Variants in RALB observed in about 807,000 individuals in gnomAD.
RALB encodes the protein RAS like proto-oncogene B, also known as ras-related protein Ral-B.
In RALB, 16 loss-of-function variants were observed where a neutral mutation model predicts 21.3. The observed-to-expected ratio is 0.75, with a 90% confidence interval of 0.51 to 1.14. The LOEUF is 1.14. Among genes scored for constraint, RALB ranks in the 50% most tolerant of loss-of-function variants. The pLI, the probability that RALB is intolerant of heterozygous loss-of-function variation, is 0.00. For synonymous variants in RALB, 93 were observed against 96.1 expected (o/e 0.97, Z 0.19); for missense variants, 161 against 256.2 (o/e 0.63, Z 2.54).
chr2:120,278,042 T>A (rs79557681), intron 1 of RALB, among the ~76,000 whole-genome samples: 25 of 125,498 alleles, frequency 2.0e-4, no homozygotes, highest in Admixed American at 1.0e-3. Context: ...AGAGCGTGAG[T>A]GTGTGTGAAT....
intron 3 of RALB, among the ~76,000 whole-genome samples, chr2:120,288,343 T>TTTTG (rs1690219756): frequency 2.9e-5 from 1 of 33,956 alleles, no homozygotes; most frequent in East Asian, 3.5e-4. Context: ...AAAATTTTAG[T>TTTTG]TTTTTTTTTT....
chr2:120,259,948 A>G (rs1040894033), intron 1 of RALB, among the ~76,000 whole-genome samples: 11 of 152,194 alleles, frequency 7.2e-5, no homozygotes, highest in Admixed American at 2.6e-4. Flanking sequence ...CCGGTGGGCC[A>G]GCACTGCTGG....
intron 1 of RALB, among the ~76,000 whole-genome samples, chr2:120,273,415 A>G (rs1004244904): frequency 2.6e-5 from 4 of 152,218 alleles, no homozygotes; most frequent in Non-Finnish European, 5.9e-5. Context: ...GATGTTATCT[A>G]TAGGAGCAAC....
At chr2:120,277,558 G>A (rs1479617963) in intron 1 of RALB, among the ~76,000 whole-genome samples, 2 of 152,110 alleles carry the variant, frequency 1.3e-5, no homozygotes, top group African/African-American at 4.8e-5. Flanking sequence ...GTGAAAGCGT[G>A]AGTGCACCTA....
intron 3 of RALB, among the ~76,000 whole-genome samples, chr2:120,287,858 A>G (rs1233263658): frequency 6.6e-6 from 1 of 152,234 alleles, no homozygotes; most frequent in Non-Finnish European, 1.5e-5. Flanking sequence ...TGTTGTTGGG[A>G]ACAGAAGAAT....
intron 4 of RALB, among the ~76,000 whole-genome samples, chr2:120,292,038 A>T (rs1690317396): frequency 6.6e-6 from 1 of 152,188 alleles, no homozygotes; most frequent in African/African-American, 2.4e-5. Flanking sequence ...TCTTCGTAGG[A>T]TTCATATTTT....
chr2:120,294,358 G>A lies in RALB; in HGVS notation c.*1098G>A. 1 of 398,708 alleles carries A rather than the reference G, an allele frequency of 2.5e-6. No homozygotes were observed. The highest frequency in any genetic ancestry group is 4.4e-6 in the Non-Finnish European group (1 of 226,044). The allele number at this position is 398,708 out of a possible 1,614,324, so 24.7% of individuals were successfully genotyped here. Reference sequence around the variant, plus strand: ...CCTTTGCCTCTGAGAATTGGCTGCTGTTTCTAATATAATTATTTTCTAAGA... The same window carrying A: ...CCTTTGCCTCTGAGAATTGGCTGCTATTTCTAATATAATTATTTTCTAAGA... On this transcript the variant is annotated 3_prime_UTR_variant, in exon 5 of 5. Transcript: ENST00000272519.
intron 1 of RALB, among the ~76,000 whole-genome samples, chr2:120,264,555 CA>C (rs11306407): frequency 0.69 from 105,634 of 152,130 alleles, 37,270 homozygotes; most frequent in Middle Eastern, 0.8. Context: ...TCCTGTCCCA[CA>C]ACTGTAGTTG....
chr2:120,288,512 C>T (rs1573359122), intron 3 of RALB, among the ~76,000 whole-genome samples: 1 of 151,648 alleles, frequency 6.6e-6, no homozygotes, highest in Non-Finnish European at 1.5e-5. Context: ...GAAATGTTAC[C>T]CTATACCATA....
chr2:120,280,781 C>A (rs939516602), intron 2 of RALB: 3 of 356,264 alleles, frequency 8.4e-6, no homozygotes, highest in African/African-American at 4.5e-5. Flanking sequence ...GAACAAAAGA[C>A]ATTTTCATTA....
At chr2:120,280,780 A>C (rs1689970664) in intron 2 of RALB, 1 of 363,306 alleles carries the variant, frequency 2.8e-6, no homozygotes. Context: ...AGAACAAAAG[A>C]CATTTTCATT....
chr2:120,260,002 T>G (rs576431962), intron 1 of RALB, among the ~76,000 whole-genome samples: 8 of 152,244 alleles, frequency 5.3e-5, no homozygotes, highest in Non-Finnish European at 1.2e-4. Context: ...GGCTGCTAAG[T>G]CCCTCATTGC....
rs1689513585 is a variant in RALB at position 120,266,792 on chromosome 2, G to T, written c.-47-11826G>T. On this transcript the variant is annotated intron_variant, in intron 1 of 4. Coordinates refer to ENST00000272519, the MANE Select transcript of RALB (RefSeq NM_002881.3). ...CTCACAACCCAGGTGGAGAACACCA[G>T]CTCTGGTGTTTTATCTACCAAATAT... 2.0e-5 allele frequency among the ~76,000 whole-genome samples: 3 copies of T among 152,210 alleles called. No individual in the cohort carries two copies. The South Asian group carries it at 6.2e-4, about 31-fold the overall frequency.
At chr2:120,249,337 T>C (rs1429790642), upstream of RALB, among the ~76,000 whole-genome samples, 1 of 152,204 alleles carries the variant, frequency 6.6e-6, no homozygotes, top group Non-Finnish European at 1.5e-5. Context: ...CCGTCCGTGT[T>C]AGTCCATTTT....
At chr2:120,263,085 T>C (rs534402463) in intron 1 of RALB, among the ~76,000 whole-genome samples, 2 of 152,388 alleles carry the variant, frequency 1.3e-5, no homozygotes, top group East Asian at 3.9e-4. Context: ...ATCTCTTTCT[T>C]ATGGACTGGC....
chr2:120,282,665 T>C (rs1290228723), intron 2 of RALB, among the ~76,000 whole-genome samples: 1 of 152,132 alleles, frequency 6.6e-6, no homozygotes, highest in East Asian at 1.9e-4. Context: ...GGGAAAGCTG[T>C]GCCTGGCCTT....
intron 3 of RALB, among the ~76,000 whole-genome samples, chr2:120,289,259 T>G (rs1690248905): frequency 6.6e-6 from 1 of 150,864 alleles, no homozygotes; most frequent in African/African-American, 2.5e-5. Context: ...TTTTTTTGTG[T>G]GTGCATAAGT....
chr2:120,273,182 A>T (rs570144290), intron 1 of RALB, among the ~76,000 whole-genome samples: 1 of 152,034 alleles, frequency 6.6e-6, no homozygotes, highest in East Asian at 1.9e-4. Flanking sequence ...CTAAAGGCTC[A>T]GAGTTTAGAG....
At chr2:120,279,466 A>G (rs1689929864) in intron 2 of RALB, among the ~76,000 whole-genome samples, 1 of 152,202 alleles carries the variant, frequency 6.6e-6, no homozygotes, top group Non-Finnish European at 1.5e-5. Flanking sequence ...AAAAATAACA[A>G]TGCAATGATA....
Sources: allele counts gnomAD v4.1 joint callset (sites outside exome capture counted in the v4.1 genomes callset), GRCh38; gene constraint gnomAD v4.1.1; transcripts MANE v1.5; gene names NCBI Gene and HGNC (gene_info 2026-07-23, HGNC 2026-07-21).